The following TP63 variants were observed in gnomAD, a reference collection of about 807,000 sequenced individuals.
TP63 encodes the protein tumor protein 63.
Under a neutral mutation model 82.8 loss-of-function variants are expected in TP63, and 17 were observed. The ratio of observed to expected loss-of-function variants is 0.21; its 90% CI spans 0.14 to 0.31. The LOEUF (loss-of-function observed/expected upper bound fraction) is 0.31, where lower values mean the gene tolerates loss of function less well. Among genes scored for constraint, TP63 ranks in the 10% least tolerant of loss-of-function variants. TP63 has a pLI of 1.00. For missense variants in TP63, 648 were observed against 895.3 expected, an observed-to-expected ratio of 0.72 and a Z score of 3.52; for synonymous variants, 330 against 321.7, an observed-to-expected ratio of 1.03 and a Z score of -0.28.
chr3:189,770,577 A>AAG (rs397876657), intron 3 of TP63, among the ~76,000 whole-genome samples: 1 of 151,844 alleles, frequency 6.6e-6, no homozygotes, highest in Admixed American at 6.6e-5. Flanking sequence ...AAAAAAAAAA[A>AAG]TTACTTTGAC....
Position 189,737,817 on chromosome 3 carries a change from A to G in TP63, c.140A>G (p.Asn47Ser). 2 of 1,614,022 alleles carry G rather than the reference A, an allele frequency of 1.2e-6. No individual in the cohort carries two copies. Among genetic ancestry groups the G allele is most frequent in the East Asian group, 4.5e-5 (2 of 44,854 alleles). ...ACCATGTCCCAGAGCACACAGACAA[A>G]TGAATTCCTCAGTCCAGAGGTTTTC... ...RSTMSQSTQT[N>S]EFLSPEVFQH... The change falls in exon 2 of 14, where the codon AAT (asparagine) becomes AGT (serine). Residue 47 changes from asparagine (N) to serine (S), a missense_variant. By Grantham distance (46) the Asn-to-Ser change is conservative (BLOSUM62 1). This residue lies in a region of TP63 where 182 missense variants were observed against 213.6 expected (regional missense o/e 0.85). Transcript: ENST00000264731.
At position 189,848,402 on chromosome 3, in the gene TP63, A is replaced by G. The variant is rs114541011; in HGVS notation, c.580-15830A>G. On this transcript the variant is annotated intron_variant, in intron 4 of 13. Transcript: ENST00000264731. ...CTGGCTTTTTTTTTTTTAATTTTGT[A>G]TAGGCAGAGTCTTCTTGTATTGCCC... Among the ~76,000 whole-genome samples the G allele has an allele frequency of 4.9e-3, 727 of 149,612 alleles. 8 individuals are homozygous for G. Among genetic ancestry groups the G allele is most frequent in the African/African-American group, 0.017 (695 of 40,470 alleles).
At chr3:189,624,678 A>G in the TP63 span, among the ~76,000 whole-genome samples, 1 of 152,202 alleles carries the variant, frequency 6.6e-6, no homozygotes, top group African/African-American at 2.4e-5. Context: ...TTATAATTGC[A>G]TATGCTGAAT....
At chr3:189,682,647 A>C (rs1489785973) in intron 1 of TP63, among the ~76,000 whole-genome samples, 2 of 150,672 alleles carry the variant, frequency 1.3e-5, no homozygotes, top group East Asian at 3.9e-4. Context: ...CAAAAAACAC[A>C]AGGAAATATA....
chr3:189,798,567 T>C (rs1254296569), intron 3 of TP63, among the ~76,000 whole-genome samples: 1 of 152,118 alleles, frequency 6.6e-6, no homozygotes, highest in Non-Finnish European at 1.5e-5. Flanking sequence ...TACCTGTGTC[T>C]GCACTGTTCC....
intron 3 of TP63, among the ~76,000 whole-genome samples, chr3:189,803,286 G>A (rs1410685375): frequency 6.6e-6 from 1 of 152,156 alleles, no homozygotes; most frequent in Non-Finnish European, 1.5e-5. Context: ...CAACAAGAGT[G>A]AAACTCCATC....
intron 4 of TP63, among the ~76,000 whole-genome samples, chr3:189,826,241 A>G (rs994789525): frequency 6.6e-6 from 1 of 152,244 alleles, no homozygotes; most frequent in Non-Finnish European, 1.5e-5. Flanking sequence ...TCTGACTTGG[A>G]AAATTCAAAA....
chr3:189,848,963 C>T (rs1172716048), intron 4 of TP63, among the ~76,000 whole-genome samples: 1 of 152,172 alleles, frequency 6.6e-6, no homozygotes, highest in East Asian at 1.9e-4. Flanking sequence ...GAGTCAGCCC[C>T]ACCCCCCAGC....
intron 1 of TP63, among the ~76,000 whole-genome samples, chr3:189,706,979 T>C (rs76860898): frequency 0.015 from 2,273 of 152,328 alleles, 51 homozygotes; most frequent in African/African-American, 0.053. Context: ...TATTCTGTTA[T>C]GGTTCCTTAA....
At chr3:189,701,512 G>A (rs1387189549) in intron 1 of TP63, among the ~76,000 whole-genome samples, 1 of 103,216 alleles carries the variant, frequency 9.7e-6, no homozygotes, top group Admixed American at 1.0e-4. Context: ...AATGTGAGGA[G>A]ATATATATAC....
the TP63 span, among the ~76,000 whole-genome samples, chr3:189,616,582 A>G: frequency 6.6e-6 from 1 of 152,162 alleles, no homozygotes; most frequent in South Asian, 2.1e-4. Flanking sequence ...GCAGTGGGTA[A>G]TAGGGATATT....
At chr3:189,711,970 T>C (rs1293201147) in intron 1 of TP63, among the ~76,000 whole-genome samples, 1 of 152,130 alleles carries the variant, frequency 6.6e-6, no homozygotes, top group Non-Finnish European at 1.5e-5. Context: ...GTGGAAGAAG[T>C]GTGGAGGCCA....
chr3:189,668,976 G>C (rs1714649048), intron 1 of TP63, among the ~76,000 whole-genome samples: 1 of 151,526 alleles, frequency 6.6e-6, no homozygotes. Flanking sequence ...GTCACACCTA[G>C]GCATATCATA....
chr3:189,821,968 G>A (rs1007071020), intron 4 of TP63, among the ~76,000 whole-genome samples: 2 of 152,140 alleles, frequency 1.3e-5, no homozygotes, highest in African/African-American at 2.4e-5. Flanking sequence ...AGGACAAATA[G>A]TGCCTAAGGA....
chr3:189,824,316 G>A (rs973375288), intron 4 of TP63, among the ~76,000 whole-genome samples: 3 of 151,748 alleles, frequency 2.0e-5, no homozygotes, highest in Non-Finnish European at 4.4e-5. Flanking sequence ...TCCTGGGTTC[G>A]AGCCATTCCG....
chr3:189,735,742 A>G lies in TP63; in HGVS notation c.63-1998A>G, dbSNP rs1443023805. ...CATCACACAACTTCCAGATTTACCA[A>G]TATAAAGCATAGTCTGACTGTGTCT... is the stretch of plus-strand genomic sequence containing the variant. On this transcript the variant is annotated intron_variant, in intron 1 of 13. Coordinates refer to ENST00000264731, the MANE Select transcript of TP63 (RefSeq NM_003722.5). 2.0e-5 allele frequency among the ~76,000 whole-genome samples: 3 copies of G among 152,192 alleles called. No individual in the cohort carries two copies. In the East Asian group the frequency reaches 5.8e-4, roughly 29 times the overall value.
intron 1 of TP63, among the ~76,000 whole-genome samples, chr3:189,694,188 A>G (rs959987645): frequency 6.6e-6 from 1 of 152,190 alleles, no homozygotes; most frequent in Non-Finnish European, 1.5e-5. Context: ...TTAATCTTAG[A>G]ACAGTATACA....
intron 1 of TP63, among the ~76,000 whole-genome samples, chr3:189,671,121 A>G (rs938738536): frequency 1.3e-5 from 2 of 152,124 alleles, no homozygotes; most frequent in African/African-American, 2.4e-5. Context: ...AAATGTTTGG[A>G]AAGTATACAT....
At chr3:189,680,300 A>C (rs1398133897) in intron 1 of TP63, among the ~76,000 whole-genome samples, 6 of 152,016 alleles carry the variant, frequency 3.9e-5, no homozygotes, top group Middle Eastern at 6.8e-3. Context: ...AAGTGTATGG[A>C]TCTTCAGCCT....
Sources: gnomAD v4.1 joint callset for allele counts (sites outside exome capture counted in the v4.1 genomes callset) on GRCh38, gnomAD v4.1.1 for gene constraint, gnomAD v4.1.1 regional missense constraint, MANE v1.5 for transcripts, NCBI Gene and HGNC (gene_info 2026-07-23, HGNC 2026-07-21) for gene names.